Variants in SPOCK3 observed in about 807,000 individuals in gnomAD.
SPOCK3 encodes testican-3.
In SPOCK3, 30 loss-of-function variants were observed where a neutral mutation model predicts 56.6. That is an observed-to-expected ratio of 0.53 (90% confidence interval 0.40 to 0.72). The LOEUF (loss-of-function observed/expected upper bound fraction) is 0.72. Among genes scored for constraint, SPOCK3 ranks in the 30% least tolerant of loss-of-function variants. The pLI is 0.00. For missense variants in SPOCK3, 527 were observed against 530.0 expected, an observed-to-expected ratio of 0.99 and a Z score of 0.06; for synonymous variants, 196 against 183.3, an observed-to-expected ratio of 1.07 and a Z score of -0.56.
chr4:167,053,271 T>C (rs577166461), intron 3 of SPOCK3, among the ~76,000 whole-genome samples: 1 of 152,256 alleles, frequency 6.6e-6, no homozygotes, highest in East Asian at 1.9e-4. Flanking sequence ...CTTGCCAGAA[T>C]GCTTCCTCTA....
intron 6 of SPOCK3, among the ~76,000 whole-genome samples, chr4:166,846,829 G>T (rs973542745): frequency 6.6e-6 from 1 of 151,974 alleles, no homozygotes; most frequent in Non-Finnish European, 1.5e-5. Context: ...ACATATTTAA[G>T]AAATGAACCA....
intron 6 of SPOCK3, among the ~76,000 whole-genome samples, chr4:166,811,701 C>T (rs1743823518): frequency 6.6e-6 from 1 of 151,602 alleles, no homozygotes; most frequent in Non-Finnish European, 1.5e-5. Context: ...GCAGTGATCC[C>T]AGGAAAATAA....
intron 2 of SPOCK3, among the ~76,000 whole-genome samples, chr4:167,183,565 T>G (rs1444331754): frequency 6.6e-6 from 1 of 152,128 alleles, no homozygotes; most frequent in African/African-American, 2.4e-5. Flanking sequence ...AAAAAGAGTC[T>G]GAACAAAACA....
chr4:166,976,753 AGTG>A (rs1252921165), intron 4 of SPOCK3, among the ~76,000 whole-genome samples: 1 of 152,112 alleles, frequency 6.6e-6, no homozygotes, highest in Non-Finnish European at 1.5e-5. Context: ...TATTTACTTA[AGTG>A]GTGCCACAAC....
At chr4:166,839,774 GCA>G (rs1218526616) in intron 6 of SPOCK3, among the ~76,000 whole-genome samples, 4 of 152,122 alleles carry the variant, frequency 2.6e-5, no homozygotes, top group Admixed American at 2.6e-4. Context: ...GTATGAATGT[GCA>G]CAGTTTAATT....
chr4:166,865,500 G>A (rs1467502564), intron 6 of SPOCK3, among the ~76,000 whole-genome samples: 1 of 152,124 alleles, frequency 6.6e-6, no homozygotes, highest in African/African-American at 2.4e-5. Context: ...GTCTCTGTTT[G>A]CAGATGACAT....
chr4:166,749,816 T>C (rs2126462785), intron 8 of SPOCK3, among the ~76,000 whole-genome samples: 1 of 152,228 alleles, frequency 6.6e-6, no homozygotes, highest in South Asian at 2.1e-4. Context: ...TTGTATAGTT[T>C]TTTATACAGA....
At chr4:166,955,497 A>C (rs1287832767) in intron 4 of SPOCK3, among the ~76,000 whole-genome samples, 1 of 145,866 alleles carries the variant, frequency 6.9e-6, no homozygotes, top group African/African-American at 2.5e-5. Context: ...TATATTATTA[A>C]ATTAGTTATA....
chr4:166,868,278 T>A (rs1732068493), intron 6 of SPOCK3, among the ~76,000 whole-genome samples: 1 of 136,756 alleles, frequency 7.3e-6, no homozygotes. Flanking sequence ...AGACCTTATC[T>A]CTACAAAAAA....
intron 5 of SPOCK3, among the ~76,000 whole-genome samples, chr4:166,907,599 A>G (rs1736765527): frequency 6.6e-6 from 1 of 152,106 alleles, no homozygotes; most frequent in Admixed American, 6.6e-5. Flanking sequence ...GGGAGTAAGG[A>G]TAGCGAGTGT....
chr4:167,027,894 C>T (rs968949776), intron 3 of SPOCK3, among the ~76,000 whole-genome samples: 1 of 151,926 alleles, frequency 6.6e-6, no homozygotes, highest in African/African-American at 2.4e-5. Flanking sequence ...CAGTTCAACC[C>T]ATGTTGTTCA....
chr4:167,221,772 GCTA>G (rs1484829787), intron 2 of SPOCK3, among the ~76,000 whole-genome samples: 2 of 152,042 alleles, frequency 1.3e-5, no homozygotes, highest in African/African-American at 4.8e-5. Flanking sequence ...CATTCAGATG[GCTA>G]CTAACAACAA....
At chr4:167,144,708 C>T (rs1232896657) in intron 2 of SPOCK3, among the ~76,000 whole-genome samples, 2 of 135,886 alleles carry the variant, frequency 1.5e-5, no homozygotes, top group Non-Finnish European at 3.1e-5. Context: ...AGGACAGAGC[C>T]ATGCAGATAT....
At chr4:166,842,302 C>A (rs1579389955) in intron 6 of SPOCK3, among the ~76,000 whole-genome samples, 1 of 152,266 alleles carries the variant, frequency 6.6e-6, no homozygotes, top group East Asian at 1.9e-4. Context: ...CCATATCCTG[C>A]TGATTGGTCC....
chr4:166,784,057 T>C (rs1228292990), intron 7 of SPOCK3, among the ~76,000 whole-genome samples: 1 of 152,118 alleles, frequency 6.6e-6, no homozygotes, highest in African/African-American at 2.4e-5. Flanking sequence ...ATGGCTTTAT[T>C]TTGAAATTAA....
At chr4:167,116,767 C>T (rs1580347969) in intron 2 of SPOCK3, among the ~76,000 whole-genome samples, 1 of 131,874 alleles carries the variant, frequency 7.6e-6, no homozygotes, top group Non-Finnish European at 1.6e-5. Flanking sequence ...TATATACACA[C>T]ATATAGTATA....
intron 6 of SPOCK3, among the ~76,000 whole-genome samples, chr4:166,887,395 A>T (rs1022422072): frequency 6.6e-6 from 1 of 152,144 alleles, no homozygotes; most frequent in African/African-American, 2.4e-5. Flanking sequence ...TGGCTCATGG[A>T]TAGTGAACCT....
intron 3 of SPOCK3, among the ~76,000 whole-genome samples, chr4:167,036,407 T>C (rs1447457782): frequency 2.6e-5 from 4 of 152,198 alleles, no homozygotes. Context: ...TGCAGCCTTG[T>C]GCCCAGTCAC....
intron 8 of SPOCK3, among the ~76,000 whole-genome samples, chr4:166,749,435 A>T (rs904666370): frequency 2.0e-5 from 3 of 151,744 alleles, no homozygotes; most frequent in Non-Finnish European, 4.4e-5. Context: ...GGAATTGAAC[A>T]ATGAGAACAC....
Sources: allele counts gnomAD v4.1 joint callset (sites outside exome capture counted in the v4.1 genomes callset), GRCh38; gene constraint gnomAD v4.1.1; transcripts MANE v1.5; gene names NCBI Gene and HGNC (gene_info 2026-07-23, HGNC 2026-07-21).